Variants in MARCHF3 observed in about 807,000 individuals in gnomAD.
The protein encoded by MARCHF3 is E3 ubiquitin-protein ligase MARCHF3.
Under a neutral mutation model 24.2 loss-of-function variants are expected in MARCHF3, and 13 were observed. That is an observed-to-expected ratio of 0.54 (90% confidence interval 0.35 to 0.85). MARCHF3 has a LOEUF of 0.85. MARCHF3 is among the 40% of genes least tolerant of loss of function. The probability of loss-of-function intolerance (pLI) is 0.01; values close to 1 mark genes in which losing one functional copy is unlikely to be tolerated. For synonymous variants in MARCHF3, 144 were observed against 137.3 expected (o/e 1.05, Z -0.34); for missense variants, 276 against 325.0 (o/e 0.85, Z 1.16).
intron 1 of MARCHF3, among the ~76,000 whole-genome samples, chr5:126,962,246 A>C (rs1025570132): frequency 1.5e-4 from 23 of 152,058 alleles, no homozygotes; most frequent in Admixed American, 6.6e-4. Flanking sequence ...CTCTCTCTAT[A>C]TATATATATC....
intron 1 of MARCHF3, 128 bp from the exon 2 acceptor site, chr5:126,918,355 A>T: frequency 1.6e-6 from 1 of 619,558 alleles, no homozygotes; most frequent in Non-Finnish European, 2.8e-6. Flanking sequence ...GATGTGGCAC[A>T]TTATCTTGTT....
At chr5:127,020,764 C>G (rs1311168792) in intron 1 of MARCHF3, among the ~76,000 whole-genome samples, 1 of 152,004 alleles carries the variant, frequency 6.6e-6, no homozygotes. Flanking sequence ...GGTGGGAGAA[C>G]TGCTTGAGCT....
At chr5:126,955,428 T>C (rs1750406541) in intron 1 of MARCHF3, among the ~76,000 whole-genome samples, 1 of 152,208 alleles carries the variant, frequency 6.6e-6, no homozygotes, top group Non-Finnish European at 1.5e-5. Context: ...CTTTCCAAAG[T>C]GGTGTACCAC....
At chr5:126,955,272 T>TA (rs1028598674) in intron 1 of MARCHF3, among the ~76,000 whole-genome samples, 2 of 152,214 alleles carry the variant, frequency 1.3e-5, no homozygotes, top group Admixed American at 6.5e-5. Context: ...TAAGAGACAT[T>TA]AGGTCTCATC....
intron 1 of MARCHF3, chr5:126,946,400 T>C (rs1298696123): frequency 6.9e-6 from 1 of 145,842 alleles, no homozygotes; most frequent in Non-Finnish European, 1.5e-5. Context: ...AGGAATAGAA[T>C]TAAATTAAAA....
intron 1 of MARCHF3, among the ~76,000 whole-genome samples, chr5:126,940,843 G>C (rs1171620312): frequency 6.6e-6 from 1 of 151,724 alleles, no homozygotes; most frequent in African/African-American, 2.4e-5. Flanking sequence ...ATATATTTGT[G>C]GAGTATATGA....
At chr5:126,966,524 T>A (rs1400915931) in intron 1 of MARCHF3, among the ~76,000 whole-genome samples, 1 of 151,262 alleles carries the variant, frequency 6.6e-6, no homozygotes, top group Admixed American at 6.6e-5. Flanking sequence ...ATTTTGTTTA[T>A]AAATGTCAAG....
At chr5:126,946,574 AG>A (rs1047320680) in intron 1 of MARCHF3, among the ~76,000 whole-genome samples, 19 of 152,060 alleles carry the variant, frequency 1.2e-4, no homozygotes, top group Admixed American at 1.3e-4. Context: ...GGCTGGGAGA[AG>A]GGGTCCTACC....
chr5:126,924,859 G>A (rs139428553), intron 1 of MARCHF3, among the ~76,000 whole-genome samples: 39 of 152,282 alleles, frequency 2.6e-4, no homozygotes, highest in Non-Finnish European at 1.9e-4. Flanking sequence ...TTAAATAGCC[G>A]TGGCAGGGCT....
At chr5:127,002,138 A>C (rs538776501) in intron 1 of MARCHF3, among the ~76,000 whole-genome samples, 4 of 152,058 alleles carry the variant, frequency 2.6e-5, no homozygotes, top group African/African-American at 9.7e-5. Flanking sequence ...GAAACCAACA[A>C]TATCCAGCCA....
At chr5:126,961,035 A>G (rs1185088929) in intron 1 of MARCHF3, among the ~76,000 whole-genome samples, 4 of 152,164 alleles carry the variant, frequency 2.6e-5, no homozygotes, top group Non-Finnish European at 5.9e-5. Context: ...TATTATTTAT[A>G]TTATACAAAT....
At chr5:126,889,298 C>T (rs55715977) in intron 3 of MARCHF3, among the ~76,000 whole-genome samples, 3,138 of 152,004 alleles carry the variant, frequency 0.021, 53 homozygotes, top group Non-Finnish European at 0.034. Context: ...ACTGGAGCAC[C>T]AGACAAAAGA....
At chr5:126,931,522 C>T (rs1399832313) in intron 1 of MARCHF3, among the ~76,000 whole-genome samples, 1 of 151,640 alleles carries the variant, frequency 6.6e-6, no homozygotes. Flanking sequence ...TAGGTCCTGA[C>T]TTCTTGGCTA....
chr5:127,026,944 A>C (rs73783511), intron 1 of MARCHF3, among the ~76,000 whole-genome samples: 6,543 of 152,288 alleles, frequency 0.043, 422 homozygotes, highest in African/African-American at 0.14. Flanking sequence ...CTCACCTCTG[A>C]AAGAAGTCAT....
rs1276213739 is a variant in MARCHF3 at position 126,869,980 on chromosome 5, T to A, written c.*653A>T. On this transcript the variant is annotated 3_prime_UTR_variant, in exon 5 of 5. Transcript: ENST00000308660. ...TTTTTTCTCCTTAATGATATTTAAATAAACAGCTCACTGTGTGAGCTCACG... is the reference window on the plus strand; with the variant it reads ...TTTTTTCTCCTTAATGATATTTAAAAAAACAGCTCACTGTGTGAGCTCACG... 1.3e-5 allele frequency: 2 copies of A among 150,844 alleles called. No homozygotes were observed. The highest frequency in any genetic ancestry group is 2.9e-5 in the Non-Finnish European group (2 of 67,990). The allele number at this position is 150,844 out of a possible 1,614,324, so 9.3% of individuals were successfully genotyped here. A position where few individuals can be genotyped will look rare whatever the true frequency, so the allele number is the denominator to read the frequency against.
In MARCHF3 at chr5:126,946,668, A is replaced by G. The variant is rs1686114327; in HGVS notation, c.-56-28441T>C. ...GATGCTCCTTGGGCCAGGTAGGACT[A>G]TAGGCTTATCTGCCCTCCCAAAACC... On this transcript the variant is annotated intron_variant, in intron 1 of 4. Transcript: ENST00000308660. Among the ~76,000 whole-genome samples, 4 of 152,142 alleles carry G rather than the reference A, an allele frequency of 2.6e-5. No homozygotes were observed. In the South Asian group the frequency reaches 8.3e-4, roughly 32 times the overall value.
chr5:126,891,755 T>C (rs1255876462), intron 3 of MARCHF3, among the ~76,000 whole-genome samples: 8 of 144,196 alleles, frequency 5.5e-5, no homozygotes, highest in Non-Finnish European at 8.9e-5. Context: ...TGGCTTAGGA[T>C]TGACTTGGCG....
chr5:127,023,769 TAAATAAATA>T (rs1233535791), intron 1 of MARCHF3, among the ~76,000 whole-genome samples: 30 of 145,796 alleles, frequency 2.1e-4, no homozygotes, highest in Non-Finnish European at 4.3e-4. Context: ...AATAAATAAA[TAAATAAATA>T]AAAATAAAAA....
intron 2 of MARCHF3, among the ~76,000 whole-genome samples, chr5:126,916,694 C>CAGACAG (rs376670125): frequency 2.0e-5 from 2 of 100,740 alleles, no homozygotes; most frequent in Admixed American, 1.1e-4. Flanking sequence ...GACAGACAGA[C>CAGACAG]ACACACACAC....
Sources: allele counts gnomAD v4.1 joint callset (sites outside exome capture counted in the v4.1 genomes callset), GRCh38; gene constraint gnomAD v4.1.1; transcripts MANE v1.5; gene names NCBI Gene and HGNC (gene_info 2026-07-23, HGNC 2026-07-21).